The following ANKRD36 variants were observed in gnomAD, a reference collection of about 807,000 sequenced individuals.
The protein encoded by ANKRD36 is ankyrin repeat domain-containing protein 36A.
A neutral mutation model predicts 278.1 loss-of-function variants in ANKRD36; 179 were observed. The ratio of observed to expected loss-of-function variants is 0.64; its 90% CI spans 0.57 to 0.73. The LOEUF (loss-of-function observed/expected upper bound fraction) is 0.73, where lower values mean the gene tolerates loss of function less well. Among genes scored for constraint, ANKRD36 ranks in the 30% least tolerant of loss-of-function variants. ANKRD36 has a pLI of 0.00. For missense variants in ANKRD36, 1,159 were observed against 1,956.7 expected, an observed-to-expected ratio of 0.59 and a Z score of 7.69; for synonymous variants, 320 against 641.1, an observed-to-expected ratio of 0.50 and a Z score of 7.57.
At chr2:97,188,219 A>T (rs1379486685) in intron 32 of ANKRD36, among the ~76,000 whole-genome samples, 1 of 151,834 alleles carries the variant, frequency 6.6e-6, no homozygotes, top group African/African-American at 2.4e-5. Flanking sequence ...AGAGACTAAC[A>T]TGATACTCCC....
At chr2:97,230,820 G>A (rs1295571037) in intron 67 of ANKRD36, among the ~76,000 whole-genome samples, 1 of 152,078 alleles carries the variant, frequency 6.6e-6, no homozygotes, top group Non-Finnish European at 1.5e-5. Context: ...GGTTTTTGAT[G>A]TGGATGTCCT....
intron 52 of ANKRD36, among the ~76,000 whole-genome samples, chr2:97,207,250 T>C (rs1202398652): frequency 4.6e-5 from 7 of 151,488 alleles, no homozygotes; most frequent in Non-Finnish European, 8.9e-5. Context: ...TAATGAATAT[T>C]ATCTACTAGG....
intron 64 of ANKRD36, among the ~76,000 whole-genome samples, chr2:97,217,902 G>A (rs1361591429): frequency 6.6e-6 from 1 of 151,664 alleles, no homozygotes; most frequent in Non-Finnish European, 1.5e-5. Flanking sequence ...TGGGGTTTCT[G>A]CTGAGGAAGC....
intron 52 of ANKRD36, among the ~76,000 whole-genome samples, chr2:97,206,565 T>A (rs1275498988): frequency 6.6e-6 from 1 of 151,426 alleles, no homozygotes. Flanking sequence ...ACCCCTGGTG[T>A]AGCAATCACT....
chr2:97,237,560 A>G (rs2153684720), intron 68 of ANKRD36, among the ~76,000 whole-genome samples: 1 of 145,920 alleles, frequency 6.9e-6, no homozygotes, highest in South Asian at 2.5e-4. Flanking sequence ...TTGGAACCAT[A>G]CAGTAAGTAG....
At chr2:97,221,825 T>G (rs2067797307) in intron 66 of ANKRD36, among the ~76,000 whole-genome samples, 1 of 147,224 alleles carries the variant, frequency 6.8e-6, no homozygotes, top group Admixed American at 6.8e-5. Flanking sequence ...GCCATTGCTT[T>G]TGGTGTTTTG....
chr2:97,154,714 A>G lies in ANKRD36; in HGVS notation c.1233A>G (p.Thr411=). Residue 411 remains threonine (T), a synonymous_variant, in exon 15 of 76, where the codon ACA becomes ACG. Coordinates refer to ENST00000420699, the MANE Select transcript of ANKRD36 (RefSeq NM_001354587.1). ...YLLDRFAQPV[T]KDKFALESEN... ...TGGACCGTTTTGCACAGCCTGTGAC[A>G]AAGGATAAGTTTGCTTTGGAATCTG... The G allele has an allele frequency of 6.7e-7, 1 of 1,488,776 alleles. No individual in the cohort carries two copies. 92.2% of individuals were successfully genotyped at this position (1,488,776 alleles called of 1,614,324 possible). A position where few individuals can be genotyped will look rare whatever the true frequency, so the allele number is the denominator to read the frequency against.
Position 97,233,782 on chromosome 2 carries a change from C to T in ANKRD36, c.4004C>T (p.Ser1335Phe). 1 of 1,498,926 alleles carries T rather than the reference C, an allele frequency of 6.7e-7. No homozygotes were observed. 92.9% of individuals were successfully genotyped at this position (1,498,926 alleles called of 1,614,324 possible). A position where few individuals can be genotyped will look rare whatever the true frequency, so the allele number is the denominator to read the frequency against. ...GACCTTGATGACATAATTCAGTCAT[C>T]TCAAACAGTCTCAGAGGACGGTGAC... ...RDDLDDIIQSSQTVSEDGDSL... is the reference protein window; with the variant it reads ...RDDLDDIIQSFQTVSEDGDSL... The change falls in exon 68 of 76, where the codon TCT becomes TTT. Residue 1335 changes from serine (S) to phenylalanine (F), a missense_variant. Ser to Phe is a radical substitution (Grantham distance 155). Coordinates refer to ENST00000420699, the MANE Select transcript of ANKRD36 (RefSeq NM_001354587.1).
At chr2:97,157,143 C>T (rs556866159) in intron 15 of ANKRD36, among the ~76,000 whole-genome samples, 2 of 151,578 alleles carry the variant, frequency 1.3e-5, no homozygotes, top group East Asian at 4.0e-4. Context: ...CTCTCTCTCT[C>T]TCTCTCTGTT....
chr2:97,156,254 T>C (rs1269565628), intron 15 of ANKRD36, among the ~76,000 whole-genome samples: 1 of 145,730 alleles, frequency 6.9e-6, no homozygotes, highest in Non-Finnish European at 1.5e-5. Flanking sequence ...AGTTTTAGGG[T>C]ACATGTGCAC....
chr2:97,140,648 G>T (rs1425038147), intron 6 of ANKRD36, among the ~76,000 whole-genome samples: 1 of 151,966 alleles, frequency 6.6e-6, no homozygotes, highest in Non-Finnish European at 1.5e-5. Flanking sequence ...TGTGAAGAAG[G>T]AATTTGTACA....
intron 28 of ANKRD36, among the ~76,000 whole-genome samples, chr2:97,184,224 A>G (rs2056901934): frequency 6.6e-6 from 1 of 151,792 alleles, no homozygotes; most frequent in Non-Finnish European, 1.5e-5. Flanking sequence ...GAATGTTTGC[A>G]TACCAGAAGA....
chr2:97,229,677 A>C (rs1355436834), intron 67 of ANKRD36, among the ~76,000 whole-genome samples: 1 of 151,926 alleles, frequency 6.6e-6, no homozygotes, highest in African/African-American at 2.4e-5. Flanking sequence ...TGATCCTGGC[A>C]TTATGATGTT....
At chr2:97,170,102 G>A (rs181220094) in intron 22 of ANKRD36, among the ~76,000 whole-genome samples, 14 of 151,934 alleles carry the variant, frequency 9.2e-5, no homozygotes, top group African/African-American at 3.4e-4. Flanking sequence ...ATAGAACAGA[G>A]GCCTCAGAAG....
At chr2:97,192,006 G>A (rs1307107436) in intron 36 of ANKRD36, among the ~76,000 whole-genome samples, 3 of 151,612 alleles carry the variant, frequency 2.0e-5, no homozygotes, top group Admixed American at 6.6e-5. Flanking sequence ...CTCCCAACAA[G>A]GCTATTTTAG....
intron 67 of ANKRD36, among the ~76,000 whole-genome samples, chr2:97,227,356 G>A (rs2070176189): frequency 6.6e-6 from 1 of 152,110 alleles, no homozygotes; most frequent in Non-Finnish European, 1.5e-5. Flanking sequence ...CTTGTAAGTT[G>A]GATTCCTAGG....
intron 36 of ANKRD36, 67 bp downstream of exon 36, chr2:97,191,248 T>C: frequency 6.9e-7 from 1 of 1,459,334 alleles, no homozygotes; most frequent in Non-Finnish European, 9.2e-7. Context: ...CTTTCCTGAA[T>C]GAATTGGCCT....
At chr2:97,171,788 A>T (rs1025351960) in intron 22 of ANKRD36, among the ~76,000 whole-genome samples, 1 of 151,894 alleles carries the variant, frequency 6.6e-6, no homozygotes, top group Non-Finnish European at 1.5e-5. Flanking sequence ...TTAAACGTTT[A>T]AGTGAGACCT....
rs772626475 is a variant in ANKRD36, at chr2:97,209,700, A to C, written c.3285A>C (p.Pro1095=). 8 of 1,584,654 alleles carry C rather than the reference A, an allele frequency of 5.0e-6. 1 individual carries two copies. Among genetic ancestry groups the C allele is most frequent in the Non-Finnish European group, 6.9e-6 (8 of 1,167,394 alleles). ...KTKRVSSRKK[P]ALKATSDEKD... ...TTTCAGTGTCTTCTCGGAAAAAACC[A>C]GCCTTGAAGGTAATGAAACTCTCAT... Residue 1095 remains proline, a synonymous_variant, in exon 55 of 76, where the codon CCA becomes CCC. Transcript: ENST00000420699.
Sources: allele counts gnomAD v4.1 joint callset (sites outside exome capture counted in the v4.1 genomes callset), GRCh38; gene constraint gnomAD v4.1.1; transcripts MANE v1.5; gene names NCBI Gene and HGNC (gene_info 2026-07-23, HGNC 2026-07-21).